The following SLC38A1 variants were observed in gnomAD, a reference collection of about 807,000 sequenced individuals.
SLC38A1 encodes solute carrier family 38 member 1.
Under a neutral mutation model 60.3 loss-of-function variants are expected in SLC38A1, and 18 were observed. That is an observed-to-expected ratio of 0.30 (90% CI 0.21 to 0.44). The LOEUF is 0.44. Ranked by LOEUF, SLC38A1 falls within the 20% of genes least tolerant of loss-of-function variation. The pLI is 1.00. For missense variants in SLC38A1, 448 were observed against 587.2 expected (o/e 0.76, Z 2.45); for synonymous variants, 196 against 212.1 (o/e 0.92, Z 0.66).
intron 1 of SLC38A1, among the ~76,000 whole-genome samples, chr12:46,261,268 G>A (rs1942188216): frequency 1.3e-5 from 2 of 152,212 alleles, no homozygotes; most frequent in African/African-American, 4.8e-5. Flanking sequence ...GGGGCAGGGA[G>A]AGGGACATAA....
chr12:46,207,081 C>G (rs1939940273), intron 8 of SLC38A1, 74 bp downstream of exon 8: 4 of 1,009,888 alleles, frequency 4.0e-6, no homozygotes, highest in Middle Eastern at 6.1e-4. Flanking sequence ...TATTCACAAG[C>G]AAGAATTTTG....
chr12:46,241,048 T>C (rs567008251), intron 2 of SLC38A1, among the ~76,000 whole-genome samples: 19 of 152,230 alleles, frequency 1.2e-4, no homozygotes, highest in East Asian at 3.9e-4. Flanking sequence ...CAGAGGCAAA[T>C]GCAACTTCAA....
chr12:46,236,035 C>A (rs1020569720), intron 3 of SLC38A1, among the ~76,000 whole-genome samples: 6 of 152,196 alleles, frequency 3.9e-5, no homozygotes, highest in Non-Finnish European at 7.3e-5. Flanking sequence ...AGAAAGGGGA[C>A]TGCATTTTTA....
At chr12:46,240,922 G>C (rs1286434074) in intron 2 of SLC38A1, among the ~76,000 whole-genome samples, 2 of 152,110 alleles carry the variant, frequency 1.3e-5, no homozygotes, top group Non-Finnish European at 1.5e-5. Context: ...TAGTAAGTAG[G>C]GAGGGAGAAA....
intron 16 of SLC38A1, among the ~76,000 whole-genome samples, chr12:46,189,803 G>A (rs1009888211): frequency 1.3e-5 from 2 of 152,228 alleles, no homozygotes; most frequent in Non-Finnish European, 2.9e-5. Flanking sequence ...CCCTGCACAT[G>A]CGCTCTGCCT....
Position 46,239,663 on chromosome 12 carries a change from G to A in SLC38A1, c.122+16C>T. 6.2e-7 allele frequency: 1 copy of A among 1,613,192 alleles called. No individual in the cohort carries two copies. Among genetic ancestry groups the A allele is most frequent in the Non-Finnish European group, 8.5e-7 (1 of 1,179,652 alleles). ...TTTCTTTCACTGGATAGAAATGTTA[G>A]TGGAAAAATACTCACCTATTTATCT... On this transcript the variant is annotated intron_variant, in intron 3 of 16. Coordinates refer to ENST00000398637, the MANE Select transcript of SLC38A1 (RefSeq NM_030674.4).
At chr12:46,261,689 A>G (rs1388006916) in intron 1 of SLC38A1, among the ~76,000 whole-genome samples, 2 of 152,216 alleles carry the variant, frequency 1.3e-5, no homozygotes, top group Admixed American at 6.5e-5. Context: ...GTAAAAATGC[A>G]TTTAGTATTG....
chr12:46,243,322 A>G lies in SLC38A1; in HGVS notation c.-208-8T>C, dbSNP rs1274630610. 1 of 152,184 alleles carries G rather than the reference A, an allele frequency of 6.6e-6. No individual in the cohort carries two copies. The highest frequency in any genetic ancestry group is 1.5e-5 in the Non-Finnish European group (1 of 68,028). The allele number at this position is 152,184 out of a possible 1,614,324, so 9.4% of individuals were successfully genotyped here. A position where few individuals can be genotyped will look rare whatever the true frequency, so the allele number is the denominator to read the frequency against. ...TAGACACTCAATAAATATCTGTCAA[A>G]TGAAAGAATGAGCACAAATAAAAAA... is the stretch of plus-strand genomic sequence containing the variant. On this transcript the variant is annotated splice_region_variant and splice_polypyrimidine_tract_variant and intron_variant, in intron 1 of 16. Coordinates refer to ENST00000398637, the MANE Select transcript of SLC38A1 (RefSeq NM_030674.4).
At chr12:46,223,734 A>T (rs1940754285) in intron 5 of SLC38A1, among the ~76,000 whole-genome samples, 1 of 152,208 alleles carries the variant, frequency 6.6e-6, no homozygotes, top group South Asian at 2.1e-4. Flanking sequence ...TTGTTCACAA[A>T]CTCAGTGTTA....
chr12:46,226,482 C>T (rs538080967), intron 5 of SLC38A1, among the ~76,000 whole-genome samples: 413 of 151,194 alleles, frequency 2.7e-3, no homozygotes, highest in African/African-American at 9.3e-3. Flanking sequence ...TACAGTGAAA[C>T]GTTATAGAAA....
At chr12:46,249,001 A>G (rs1941728903) in intron 1 of SLC38A1, among the ~76,000 whole-genome samples, 1 of 151,712 alleles carries the variant, frequency 6.6e-6, no homozygotes, top group East Asian at 1.9e-4. Flanking sequence ...CTAAAAATAC[A>G]AAAAATTAAC....
chr12:46,191,563 G>C (rs1005393809), intron 16 of SLC38A1, among the ~76,000 whole-genome samples: 1 of 152,152 alleles, frequency 6.6e-6, no homozygotes, highest in African/African-American at 2.4e-5. Flanking sequence ...TCCTATCCAT[G>C]AGCGTGGAAT....
chr12:46,257,657 T>C (rs1052006965), intron 1 of SLC38A1, among the ~76,000 whole-genome samples: 1 of 152,078 alleles, frequency 6.6e-6, no homozygotes, highest in African/African-American at 2.4e-5. Context: ...TCCTCACTAG[T>C]TGCTTCTGCG....
intron 3 of SLC38A1, among the ~76,000 whole-genome samples, chr12:46,235,075 A>C (rs1007791977): frequency 1.3e-5 from 2 of 152,222 alleles, no homozygotes; most frequent in African/African-American, 4.8e-5. Context: ...CAAACTCCAC[A>C]ATGGGTGATT....
At chr12:46,244,718 G>A in intron 1 of SLC38A1, among the ~76,000 whole-genome samples, 1 of 152,194 alleles carries the variant, frequency 6.6e-6, no homozygotes, top group East Asian at 1.9e-4. Flanking sequence ...AGTTGAATGT[G>A]TTATGTTAAT....
chr12:46,218,695 T>C (rs1940523173), intron 5 of SLC38A1, among the ~76,000 whole-genome samples: 1 of 152,186 alleles, frequency 6.6e-6, no homozygotes, highest in African/African-American at 2.4e-5. Context: ...CAGAGTCAGC[T>C]GTGTGGGAGA....
chr12:46,220,012 C>G (rs1339618163), intron 5 of SLC38A1, among the ~76,000 whole-genome samples: 5 of 152,226 alleles, frequency 3.3e-5, no homozygotes, highest in Non-Finnish European at 5.9e-5. Flanking sequence ...ATTCTTAGAA[C>G]CCCCTTATCA....
chr12:46,196,421 G>A, intron 16 of SLC38A1: 1 of 1,150,872 alleles, frequency 8.7e-7, no homozygotes, highest in Non-Finnish European at 1.2e-6. Context: ...GTTTCATTAT[G>A]GGACCAGGGT....
At chr12:46,224,718 T>C (rs1282894542) in intron 5 of SLC38A1, among the ~76,000 whole-genome samples, 2 of 152,186 alleles carry the variant, frequency 1.3e-5, no homozygotes, top group Non-Finnish European at 2.9e-5. Context: ...TGAATCCTTG[T>C]CCTGAGGTAG....
Sources: allele counts gnomAD v4.1 joint callset (sites outside exome capture counted in the v4.1 genomes callset), GRCh38; gene constraint gnomAD v4.1.1; transcripts MANE v1.5; gene names NCBI Gene and HGNC (gene_info 2026-07-23, HGNC 2026-07-21).